PIK3AP1: variants seen among roughly 807,000 people sequenced by gnomAD.
The protein encoded by PIK3AP1 is phosphoinositide-3-kinase adaptor protein 1, also known as phosphoinositide 3-kinase adapter protein 1.
PIK3AP1 carries 21 observed loss-of-function variants against 88.1 expected under a neutral mutation model. That is an observed-to-expected ratio of 0.24 (90% CI 0.17 to 0.34). The LOEUF is 0.34. PIK3AP1 is among the 10% of genes least tolerant of loss of function. PIK3AP1 has a pLI of 1.00. For missense variants in PIK3AP1, 828 were observed against 1,035.7 expected, an observed-to-expected ratio of 0.80 and a Z score of 2.75; for synonymous variants, 398 against 400.0, an observed-to-expected ratio of 1.00 and a Z score of 0.06.
chr10:96,632,322 T>C (rs1843255223), intron 8 of PIK3AP1, among the ~76,000 whole-genome samples: 1 of 152,222 alleles, frequency 6.6e-6, no homozygotes, highest in Non-Finnish European at 1.5e-5. Flanking sequence ...TTATGTAAGA[T>C]GTTAATACTA....
chr10:96,713,226 G>A (rs1453951351), intron 1 of PIK3AP1, among the ~76,000 whole-genome samples: 5 of 151,912 alleles, frequency 3.3e-5, no homozygotes, highest in Non-Finnish European at 7.4e-5. Flanking sequence ...GGCCAGGCGC[G>A]GTGGGTCACA....
At chr10:96,597,353 TCC>T (rs1848786403) in intron 16 of PIK3AP1, among the ~76,000 whole-genome samples, 1 of 11,418 alleles carries the variant, frequency 8.8e-5, no homozygotes, top group African/African-American at 2.5e-4. Context: ...CCTCCCTCCC[TCC>T]CTCTCTCTCT....
At chr10:96,633,725 G>A (rs1322459182) in intron 8 of PIK3AP1, among the ~76,000 whole-genome samples, 1 of 152,096 alleles carries the variant, frequency 6.6e-6, no homozygotes, top group Non-Finnish European at 1.5e-5. Context: ...ATGCTTATGA[G>A]TTCATTGTAA....
At chr10:96,717,274 A>AC (rs1441688708) in intron 1 of PIK3AP1, among the ~76,000 whole-genome samples, 1 of 151,678 alleles carries the variant, frequency 6.6e-6, no homozygotes, top group Admixed American at 6.6e-5. Flanking sequence ...AAAAAAAAAA[A>AC]AACTCACTGG....
chr10:96,667,485 T>C (rs577492565), intron 2 of PIK3AP1, among the ~76,000 whole-genome samples: 5 of 152,304 alleles, frequency 3.3e-5, no homozygotes, highest in African/African-American at 9.6e-5. Flanking sequence ...AGCAACTACA[T>C]TGGTATCATT....
At chr10:96,621,434 T>C (rs4917743) in intron 11 of PIK3AP1, 118,814 of 152,490 alleles carry the variant, frequency 0.78, 46,380 homozygotes, top group Middle Eastern at 0.86. Flanking sequence ...GAGAGACGAC[T>C]CCAGGAAAAG....
intron 3 of PIK3AP1, among the ~76,000 whole-genome samples, chr10:96,654,157 AT>A (rs1034110456): frequency 2.6e-5 from 4 of 152,072 alleles, no homozygotes; most frequent in African/African-American, 9.7e-5. Context: ...TTCTCGGGGG[AT>A]TAATTTTCCC....
intron 16 of PIK3AP1, among the ~76,000 whole-genome samples, chr10:96,597,355 CCTCTCTCT>C (rs767744163): frequency 0.012 from 421 of 34,260 alleles, 14 homozygotes; most frequent in East Asian, 0.069. Context: ...TCCCTCCCTC[CCTCTCTCT>C]CTCTCTCTCT....
rs528720016 is a variant in PIK3AP1 at position 96,702,963 on chromosome 10, A to G, written c.430+6604T>C. Among the ~76,000 whole-genome samples the G allele has an allele frequency of 6.6e-5, 10 of 152,216 alleles. No homozygotes were observed. The East Asian group carries it at 1.9e-3, about 29-fold the overall frequency. On this transcript the variant is annotated intron_variant, in intron 2 of 16. Coordinates refer to ENST00000339364, the MANE Select transcript of PIK3AP1 (RefSeq NM_152309.3). Reference sequence around the variant, plus strand: ...GCAATCACAACTCACTGCAGCCTCAACTTCCAGGGCTCGAGCAATCTTCCC... The same window carrying G: ...GCAATCACAACTCACTGCAGCCTCAGCTTCCAGGGCTCGAGCAATCTTCCC...
chr10:96,675,800 T>G (rs2134258278), intron 2 of PIK3AP1, among the ~76,000 whole-genome samples: 1 of 152,336 alleles, frequency 6.6e-6, no homozygotes, highest in Middle Eastern at 3.4e-3. Flanking sequence ...ATTTCTCTGT[T>G]AATATTAATA....
intron 15 of PIK3AP1, 97 bp from the exon 16 acceptor site, chr10:96,602,495 G>A (rs764676052): frequency 9.6e-7 from 1 of 1,039,810 alleles, no homozygotes; most frequent in Non-Finnish European, 1.5e-6. Flanking sequence ...TCCTCCTTAG[G>A]CTGGGGCTGA....
chr10:96,678,889 G>A (rs1843961714), intron 2 of PIK3AP1, among the ~76,000 whole-genome samples: 1 of 152,124 alleles, frequency 6.6e-6, no homozygotes. Flanking sequence ...CCCCTGTAGG[G>A]GAAGAGGAGA....
chr10:96,673,504 C>A (rs116770167), intron 2 of PIK3AP1, among the ~76,000 whole-genome samples: 1 of 152,188 alleles, frequency 6.6e-6, no homozygotes, highest in African/African-American at 2.4e-5. Flanking sequence ...ACAGCCCCCC[C>A]CGAAAGGCTT....
intron 14 of PIK3AP1, among the ~76,000 whole-genome samples, chr10:96,609,086 C>T (rs1378781009): frequency 3.3e-5 from 5 of 152,216 alleles, no homozygotes; most frequent in Non-Finnish European, 7.3e-5. Flanking sequence ...GAAGGCATTT[C>T]CTAATTAGAT....
intron 8 of PIK3AP1, among the ~76,000 whole-genome samples, chr10:96,628,895 T>TATAC (rs1843195196): frequency 6.8e-5 from 2 of 29,420 alleles, no homozygotes; most frequent in African/African-American, 9.5e-5. Context: ...TATACATATA[T>TATAC]ATATATATAT....
At chr10:96,602,961 T>C (rs897566321) in intron 15 of PIK3AP1, among the ~76,000 whole-genome samples, 11 of 152,140 alleles carry the variant, frequency 7.2e-5, no homozygotes, top group African/African-American at 2.7e-4. Flanking sequence ...CAAAGAGCTT[T>C]TGGGCCTGGG....
At chr10:96,703,532 C>G (rs1844325240) in intron 2 of PIK3AP1, among the ~76,000 whole-genome samples, 1 of 152,128 alleles carries the variant, frequency 6.6e-6, no homozygotes, top group South Asian at 2.1e-4. Flanking sequence ...CAATATCACC[C>G]ACAGAGTCCT....
Position 96,659,205 on chromosome 10 carries a change from T to G in PIK3AP1, c.431-2271A>C, listed in dbSNP as rs374266897. Among the ~76,000 whole-genome samples the G allele has an allele frequency of 3.3e-5, 5 of 152,292 alleles. No individual in the cohort carries two copies. In the South Asian group the frequency reaches 1.0e-3, roughly 32 times the overall value. Reference sequence around the variant, plus strand: ...CCTGGACATACCATTTAAAAAAATATTTCTGAGGTTCTTCTGGGATGAGAA... The same window carrying G: ...CCTGGACATACCATTTAAAAAAATAGTTCTGAGGTTCTTCTGGGATGAGAA... On this transcript the variant is annotated intron_variant, in intron 2 of 16. Coordinates refer to ENST00000339364, the MANE Select transcript of PIK3AP1 (RefSeq NM_152309.3).
chr10:96,606,201 C>G (rs1192829236), intron 14 of PIK3AP1, among the ~76,000 whole-genome samples: 1 of 152,200 alleles, frequency 6.6e-6, no homozygotes, highest in South Asian at 2.1e-4. Context: ...CCAGCCCACT[C>G]CTGTCCACAA....
Sources: gnomAD v4.1 joint callset for allele counts (sites outside exome capture counted in the v4.1 genomes callset) on GRCh38, gnomAD v4.1.1 for gene constraint, MANE v1.5 for transcripts, NCBI Gene and HGNC (gene_info 2026-07-23, HGNC 2026-07-21) for gene names.